The following MAP3K15 variants were observed in gnomAD, a reference collection of about 807,000 sequenced individuals.
The protein encoded by MAP3K15 is mitogen-activated protein kinase kinase kinase 15.
A neutral mutation model predicts 99.5 loss-of-function variants in MAP3K15; 124 were observed. That is an observed-to-expected ratio of 1.25 (90% CI 1.08 to 1.45). MAP3K15 has a LOEUF of 1.45. Among genes scored for constraint, MAP3K15 ranks in the 40% most tolerant of loss-of-function variants. The probability of loss-of-function intolerance (pLI) is 0.00; values close to 1 mark genes in which losing one functional copy is unlikely to be tolerated. For missense variants in MAP3K15, 1,242 were observed against 1,079.7 expected, an observed-to-expected ratio of 1.15 and a Z score of -2.11; for synonymous variants, 494 against 439.6, an observed-to-expected ratio of 1.12 and a Z score of -1.55.
chrX:19,415,212 G>C lies in MAP3K15; in HGVS notation c.1485C>G (p.Phe495Leu). 1 of 1,180,547 alleles carries C rather than the reference G, an allele frequency of 8.5e-7. No homozygotes were observed. Among genetic ancestry groups the C allele is most frequent in the Non-Finnish European group, 1.1e-6 (1 of 885,003 alleles). ...GCGAGTGTTCAATAATGGTTTTCTT[G>C]AAGCGCCGAATTAGTAACAAGTTCT... ...LVQNLLLIRR[F>L]KKTIIEHSPR... Residue 495 changes from phenylalanine to leucine, a missense_variant, in exon 10 of 29, where the codon TTC becomes TTG. Phe to Leu is a conservative substitution (Grantham distance 22). Transcript: ENST00000338883.
At chrX:19,380,800 C>T (rs770297377) in intron 18 of MAP3K15, among the ~76,000 whole-genome samples, 211 of 112,983 alleles carry the variant, frequency 1.9e-3, no homozygotes, top group African/African-American at 6.3e-3. Context: ...GGATTATAGG[C>T]GTGAGCCACT....
chrX:19,373,635 C>A lies in MAP3K15; in HGVS notation c.2834G>T (p.Ser945Ile). The A allele has an allele frequency of 8.3e-7, 1 of 1,199,870 alleles. No homozygotes were observed. The highest frequency in any genetic ancestry group is 3.0e-5 in the East Asian group (1 of 33,550). Residue 945 changes from serine (S) to isoleucine (I), a missense_variant, in exon 21 of 29, where the codon AGC becomes ATC. Transcript: ENST00000338883. ...PTQGEPMATS[S>I]SEHGSVSPDS... ...TGGGGAGACAGAGCCGTGCTCGCTGCTGCTGGTGGCCATGGGCTCTCCCTG... is the reference window on the plus strand; with the variant it reads ...TGGGGAGACAGAGCCGTGCTCGCTGATGCTGGTGGCCATGGGCTCTCCCTG...
chrX:19,460,303 A>G, intron 4 of MAP3K15, 150 bp from the exon 5 acceptor site: 1 of 346,008 alleles, frequency 2.9e-6, no homozygotes, highest in African/African-American at 2.6e-5. Flanking sequence ...CAAACAGAAG[A>G]TGCTTTCTAC....
intron 6 of MAP3K15, among the ~76,000 whole-genome samples, chrX:19,445,001 C>T (rs1048125677): frequency 1.8e-5 from 2 of 110,673 alleles, no homozygotes; most frequent in Admixed American, 9.6e-5. Flanking sequence ...CCAGCTTCCT[C>T]GTCCACTGGA....
chrX:19,501,739 C>T (rs925304631), intron 1 of MAP3K15, among the ~76,000 whole-genome samples: 7 of 111,749 alleles, frequency 6.3e-5, no homozygotes, highest in African/African-American at 2.0e-4. Context: ...TTGAAGAGTT[C>T]GCTGTCTGGC....
chrX:19,510,850 G>C (rs1254706378), intron 1 of MAP3K15, among the ~76,000 whole-genome samples: 1 of 112,136 alleles, frequency 8.9e-6, no homozygotes, highest in Non-Finnish European at 1.9e-5. Context: ...AAAGTCTCAG[G>C]ATACAAAATC....
intron 3 of MAP3K15, among the ~76,000 whole-genome samples, chrX:19,473,387 G>A (rs1227225534): frequency 8.9e-6 from 1 of 112,044 alleles, no homozygotes; most frequent in African/African-American, 3.2e-5. Context: ...TGTTGGTCAA[G>A]AGACCAGAAA....
Position 19,448,254 on chromosome X carries a change from T to A in MAP3K15, c.995+8659A>T, listed in dbSNP as rs189696576. On this transcript the variant is annotated intron_variant, in intron 6 of 28. Coordinates refer to ENST00000338883, the MANE Select transcript of MAP3K15 (RefSeq NM_001001671.4). Reference sequence around the variant, plus strand: ...TCAGAGTGCCAAGCGGAGGCCCTGGTAGCAACTTACATGGGTCAGGATTTT... The same window carrying A: ...TCAGAGTGCCAAGCGGAGGCCCTGGAAGCAACTTACATGGGTCAGGATTTT... Among the ~76,000 whole-genome samples the A allele has an allele frequency of 4.0e-4, 44 of 109,258 alleles. 1 individual carries two copies. The highest frequency in any genetic ancestry group is 1.4e-3 in the African/African-American group (43 of 30,586). 94.9% of individuals were successfully genotyped at this position (109,258 alleles called of 115,157 possible).
At chrX:19,415,375 A>T (rs1262581543) in intron 9 of MAP3K15, 118 bp from the exon 10 acceptor site, 2 of 664,394 alleles carry the variant, frequency 3.0e-6, no homozygotes, top group Middle Eastern at 4.1e-4. Flanking sequence ...TTATGTCATG[A>T]GTGCTTCATA....
intron 25 of MAP3K15, among the ~76,000 whole-genome samples, chrX:19,364,329 C>T (rs1349981392): frequency 8.9e-6 from 1 of 112,040 alleles, no homozygotes; most frequent in Non-Finnish European, 1.9e-5. Flanking sequence ...GCATAGCATG[C>T]CTTGGGGGAA....
chrX:19,469,090 T>C (rs1425297847), intron 3 of MAP3K15, among the ~76,000 whole-genome samples: 3 of 111,263 alleles, frequency 2.7e-5, no homozygotes, highest in Non-Finnish European at 5.7e-5. Flanking sequence ...TTTTTCCTAA[T>C]TGAATGCCCT....
intron 25 of MAP3K15, among the ~76,000 whole-genome samples, chrX:19,364,998 G>C (rs942701429): frequency 2.6e-4 from 29 of 110,255 alleles, no homozygotes; most frequent in African/African-American, 8.9e-4. Context: ...GAGGTCAGGA[G>C]TTCAAGACCA....
At chrX:19,494,877 T>TAAAAAAAAAAAAAAAAA (rs1330420764) in intron 1 of MAP3K15, among the ~76,000 whole-genome samples, 2 of 82,971 alleles carry the variant, frequency 2.4e-5, no homozygotes, top group Non-Finnish European at 2.5e-5. Context: ...AAAGCTACCT[T>TAAAAAAAAAAAAAAAAA]TAAAAAAAAA....
At chrX:19,429,037 A>G (rs1039688641) in intron 7 of MAP3K15, among the ~76,000 whole-genome samples, 10 of 111,124 alleles carry the variant, frequency 9.0e-5, no homozygotes, top group Non-Finnish European at 1.7e-4. Flanking sequence ...CTCAGCATAG[A>G]AAACAGGAAC....
chrX:19,487,977 G>T (rs1315671093), intron 2 of MAP3K15, among the ~76,000 whole-genome samples: 2 of 111,090 alleles, frequency 1.8e-5, no homozygotes, highest in Non-Finnish European at 3.8e-5. Context: ...CCATCCCCGA[G>T]ACTGTGATGT....
chrX:19,504,527 A>G (rs954073523), intron 1 of MAP3K15, among the ~76,000 whole-genome samples: 1 of 112,054 alleles, frequency 8.9e-6, no homozygotes, highest in Admixed American at 9.5e-5. Flanking sequence ...GAGAAGCCAG[A>G]CATAACTCAC....
At position 19,486,976 on chromosome X, in the gene MAP3K15, C is replaced by T. The variant is rs752802568; in HGVS notation, c.502-471G>A. ...GAAGGCCACACCACAGTCAGCCTTC[C>T]TACAGAAGGGGTGTTGGTAGTAGAA... is the stretch of plus-strand genomic sequence containing the variant. On this transcript the variant is annotated intron_variant, in intron 2 of 28. Transcript: ENST00000338883. Among the ~76,000 whole-genome samples, 3 of 110,738 alleles carry T rather than the reference C, an allele frequency of 2.7e-5. No homozygotes were observed. The East Asian group carries it at 8.6e-4, about 32-fold the overall frequency.
At chrX:19,443,022 CT>C (rs35963207) in intron 6 of MAP3K15, among the ~76,000 whole-genome samples, 1 of 17,236 alleles carries the variant, frequency 5.8e-5, no homozygotes, top group Non-Finnish European at 8.9e-5. Context: ...CCATGCCCGG[CT>C]TTTTTTTTTT....
intron 6 of MAP3K15, among the ~76,000 whole-genome samples, chrX:19,446,224 G>T (rs764289053): frequency 8.9e-6 from 1 of 111,970 alleles, no homozygotes; most frequent in East Asian, 2.8e-4. Flanking sequence ...CCCTGGGAAC[G>T]GTGACGTAAT....
Sources: allele counts gnomAD v4.1 joint callset (sites outside exome capture counted in the v4.1 genomes callset), GRCh38; gene constraint gnomAD v4.1.1; transcripts MANE v1.5; gene names NCBI Gene and HGNC (gene_info 2026-07-23, HGNC 2026-07-21).